The following MCM3AP variants were observed in gnomAD, a reference collection of about 807,000 sequenced individuals.
The protein encoded by MCM3AP is germinal-center associated nuclear protein.
Under a neutral mutation model 184.1 loss-of-function variants are expected in MCM3AP, and 126 were observed. That is an observed-to-expected ratio of 0.68 (90% CI 0.59 to 0.79). The LOEUF is 0.79. Among genes scored for constraint, MCM3AP ranks in the 30% least tolerant of loss-of-function variants. The pLI is 0.00. For synonymous variants in MCM3AP, 1,002 were observed against 979.3 expected (o/e 1.02, Z -0.43); for missense variants, 2,496 against 2,479.2 (o/e 1.01, Z -0.14).
chr21:46,261,559 C>A, intron 13 of MCM3AP, 148 bp from the exon 14 acceptor site: 3 of 673,566 alleles, frequency 4.5e-6, no homozygotes, highest in Non-Finnish European at 7.5e-6. Context: ...ACAGTGAAAC[C>A]CCATCTCTAC....
At chr21:46,272,871 G>A (rs1601535435) in intron 7 of MCM3AP, 42 bp from the exon 8 acceptor site, 1 of 1,518,198 alleles carries the variant, frequency 6.6e-7, no homozygotes, top group East Asian at 2.3e-5. Context: ...ACATTCCCAT[G>A]CAAAGAGGCA....
At chr21:46,263,484 T>C (rs1219417730) in intron 13 of MCM3AP, among the ~76,000 whole-genome samples, 1 of 151,842 alleles carries the variant, frequency 6.6e-6, no homozygotes, top group Non-Finnish European at 1.5e-5. Flanking sequence ...GATTTAATAT[T>C]GTTAAGATGA....
At position 46,284,463 on chromosome 21, in the gene MCM3AP, T is replaced by A. The variant is rs2081376249; in HGVS notation, c.824A>T (p.Glu275Val). Residue 275 changes from glutamate (E) to valine (V), a missense_variant, in exon 1 of 28, where the codon GAA (glutamate) becomes GTA (valine). Glu to Val is a moderately radical substitution (Grantham distance 121). Transcript: ENST00000291688. ...ASKAGVRQGC[E>V]EAVSQVEPLP... ...TGGTTCCACCTGGGAAACAGCTTCT[T>A]CACACCCCTGCCTGACACCTGCTTT... 1 of 1,614,074 alleles carries A rather than the reference T, an allele frequency of 6.2e-7. No individual in the cohort carries two copies. The highest frequency in any genetic ancestry group is 8.5e-7 in the Non-Finnish European group (1 of 1,180,040).
At chr21:46,266,885 T>C in intron 10 of MCM3AP, 97 bp downstream of exon 10, 1 of 1,359,794 alleles carries the variant, frequency 7.4e-7, no homozygotes, top group Non-Finnish European at 1.0e-6. Context: ...ATGCACCTTC[T>C]TCAAGTCAGG....
rs1405352350 is a variant in MCM3AP at position 46,243,013 on chromosome 21, A to AAC, written c.5297-83_5297-82insGT. ...AAAAAAAAAAAACACACACAAAAAA[A>AAC]CAAAAACAGGTACAAATAATATTTA... On this transcript the variant is annotated intron_variant, in intron 24 of 27. Coordinates refer to ENST00000291688, the MANE Select transcript of MCM3AP (RefSeq NM_003906.5). The AAC allele has an allele frequency of 2.3e-6, 3 of 1,293,040 alleles. No homozygotes were observed. In the African/African-American group the frequency reaches 4.5e-5, roughly 20 times the overall value. 80.1% of individuals were successfully genotyped at this position (1,293,040 alleles called of 1,614,324 possible).
intron 22 of MCM3AP, 61 bp downstream of exon 22, chr21:46,246,246 T>C: frequency 9.8e-7 from 1 of 1,020,384 alleles, no homozygotes. Flanking sequence ...CAATTCAAGA[T>C]ACAGCAAAAG....
In MCM3AP at chr21:46,236,976, A is replaced by C. The variant is rs1195942407; in HGVS notation, c.5637T>G (p.Phe1879Leu). The C allele has an allele frequency of 6.6e-7, 1 of 1,512,342 alleles. No homozygotes were observed. Among genetic ancestry groups the C allele is most frequent in the African/African-American group, 1.4e-5 (1 of 69,622 alleles). 93.7% of individuals were successfully genotyped at this position (1,512,342 alleles called of 1,614,324 possible). Residue 1879 changes from phenylalanine (F) to leucine (L), a missense_variant, in exon 27 of 28, where the codon TTT becomes TTG. Phe to Leu is a conservative substitution (Grantham distance 22). Transcript: ENST00000291688. ...ACAACCATTGCTGAAGCTGATCTTC[A>C]AACCTGAAACAATATGTAATAAATT... is the stretch of plus-strand genomic sequence containing the variant. ...LLLEKEENKR[F>L]EDQLQQWLSE...
Position 46,267,083 on chromosome 21 carries a change from A to C in MCM3AP, c.2688T>G (p.Ser896=). Residue 896 remains serine, a synonymous_variant, in exon 10 of 28, where the codon TCT becomes TCG. Transcript: ENST00000291688. ...NFAYTVSTQR[S]TIFPLDGVVR... ...CCACACCATCCAGGGGAAAGATGGT[A>C]GATCGCTGTGTGCTCACCGTGTACG... 4 of 1,614,142 alleles carry C rather than the reference A, an allele frequency of 2.5e-6. No homozygotes were observed. The highest frequency in any genetic ancestry group is 3.4e-6 in the Non-Finnish European group (4 of 1,180,004).
rs1191605117 is a variant in MCM3AP at position 46,264,218 on chromosome 21, C to G, written c.3235-1G>C. 6.2e-7 allele frequency: 1 copy of G among 1,604,502 alleles called. No homozygotes were observed. Among genetic ancestry groups the G allele is most frequent in the African/African-American group, 1.3e-5 (1 of 74,692 alleles). ...GCTCGTCCACCACCTGCGCCAGGTC[C>G]TGTGGAGAGACCAGCATGGGGTGTA... On this transcript the variant is annotated splice_acceptor_variant, in intron 12 of 27. Coordinates refer to ENST00000291688, the MANE Select transcript of MCM3AP (RefSeq NM_003906.5). LOFTEE classifies it high-confidence loss of function.
intron 4 of MCM3AP, among the ~76,000 whole-genome samples, chr21:46,279,511 G>C (rs974502523): frequency 2.6e-5 from 4 of 152,250 alleles, no homozygotes; most frequent in Non-Finnish European, 2.9e-5. Flanking sequence ...CTCTGTGCAA[G>C]GACAGAAGTT....
chr21:46,285,229 T>C lies in MCM3AP; in HGVS notation c.58A>G (p.Ser20Gly). The C allele has an allele frequency of 6.2e-7, 1 of 1,614,220 alleles. No homozygotes were observed. Among genetic ancestry groups the C allele is most frequent in the Non-Finnish European group, 8.5e-7 (1 of 1,180,020 alleles). Residue 20 changes from serine (S) to glycine (G), a missense_variant, in exon 1 of 28, where the codon AGT (serine) becomes GGT (glycine). Ser to Gly is a moderately conservative substitution (Grantham distance 56, BLOSUM62 0). Around this residue, in one of 5 missense-constraint regions of MCM3AP, gnomAD observed 800 missense variants for 717.1 expected, o/e 1.12. Transcript: ENST00000291688. The part of the protein sequence containing the change: ...QQPSAFSASS[S>G]NVGTLPSKPP... ...TTAGATGGAAGTGTTCCTACATTAC[T>C]AGAAGACGCCGAAAAAGCACTAGGC... is the stretch of plus-strand genomic sequence containing the variant.
At chr21:46,248,889 A>T (rs996571702) in intron 20 of MCM3AP, among the ~76,000 whole-genome samples, 1 of 152,194 alleles carries the variant, frequency 6.6e-6, no homozygotes, top group Non-Finnish European at 1.5e-5. Context: ...AACTCAGAGG[A>T]TCAATTGATG....
Position 46,254,461 on chromosome 21 carries a change from T to C in MCM3AP, c.4067A>G (p.Glu1356Gly), listed in dbSNP as rs1186493662. ...LVAEHLPGRQ[E>G]HVFWKLVLVL... ...CAGCACCAGCTTCCAAAACACATGC[T>C]CCTGCCTCCCAGGGAGGTGCTCAGC... Residue 1356 changes from glutamate (E) to glycine (G), a missense_variant, in exon 19 of 28, where the codon GAG becomes GGG. Around this residue, in one of 5 missense-constraint regions of MCM3AP, gnomAD observed 1,323 missense variants for 1,273.4 expected, o/e 1.04. Coordinates refer to ENST00000291688, the MANE Select transcript of MCM3AP (RefSeq NM_003906.5). The C allele has an allele frequency of 6.2e-7, 1 of 1,614,038 alleles. No homozygotes were observed.
chr21:46,278,164 G>C (rs1233690026), intron 4 of MCM3AP, among the ~76,000 whole-genome samples: 1 of 139,112 alleles, frequency 7.2e-6, no homozygotes, highest in Non-Finnish European at 1.6e-5. Flanking sequence ...ACCACCCCCC[G>C]AAAAAAAAAA....
At chr21:46,243,098 A>G (rs887151498) in intron 24 of MCM3AP, 167 bp from the exon 25 acceptor site, 2 of 654,098 alleles carry the variant, frequency 3.1e-6, no homozygotes, top group Non-Finnish European at 5.1e-6. Context: ...CTTTGATTAA[A>G]GTCACACAAT....
chr21:46,253,287 CTA>C (rs1240449868), intron 19 of MCM3AP: 2 of 152,184 alleles, frequency 1.3e-5, no homozygotes, highest in East Asian at 3.8e-4. Flanking sequence ...AGTAAACAGA[CTA>C]TAAACTATCT....
chr21:46,243,583 G>A lies in MCM3AP; in HGVS notation c.5178C>T (p.Pro1726=), dbSNP rs2080712528. 1 of 1,614,130 alleles carries A rather than the reference G, an allele frequency of 6.2e-7. No individual in the cohort carries two copies. The highest frequency in any genetic ancestry group is 1.3e-5 in the African/African-American group (1 of 74,946). Residue 1726 remains proline, a synonymous_variant, in exon 24 of 28, where the codon CCC becomes CCT. Coordinates refer to ENST00000291688, the MANE Select transcript of MCM3AP (RefSeq NM_003906.5). ...RTYCRWKSKS[P]SPVHGAGPSV... The stretch of plus-strand genomic sequence containing the variant: ...AGGGGCCTGCCCCATGGACTGGGGA[G>A]GGACTCTTGCTCTTCCACCTACAGT...
intron 13 of MCM3AP, 46 bp downstream of exon 13, chr21:46,264,071 G>C: frequency 2.2e-6 from 3 of 1,372,160 alleles, no homozygotes; most frequent in Non-Finnish European, 3.1e-6. Context: ...ACTGGGTGCA[G>C]CTCCCCGCAG....
chr21:46,248,911 C>A (rs1442134819), intron 20 of MCM3AP, among the ~76,000 whole-genome samples: 1 of 152,158 alleles, frequency 6.6e-6, no homozygotes, highest in South Asian at 2.1e-4. Context: ...GGCCTAACAT[C>A]TATCTAATAG....
Sources: gnomAD v4.1 joint callset for allele counts (sites outside exome capture counted in the v4.1 genomes callset) on GRCh38, gnomAD v4.1.1 for gene constraint, gnomAD v4.1.1 regional missense constraint, MANE v1.5 for transcripts, NCBI Gene and HGNC (gene_info 2026-07-23, HGNC 2026-07-21) for gene names.